The following MLC1 variants were observed in gnomAD, a reference collection of about 807,000 sequenced individuals.
MLC1 encodes modulator of VRAC current 1.
In MLC1, 32 loss-of-function variants were observed where a neutral mutation model predicts 44.7. The ratio of observed to expected loss-of-function variants is 0.72; its 90% CI spans 0.54 to 0.96. MLC1 has a LOEUF of 0.96. MLC1 is among the 40% of genes least tolerant of loss of function. The pLI, the probability that MLC1 is intolerant of heterozygous loss-of-function variation, is 0.00. For synonymous variants in MLC1, 190 were observed against 213.0 expected, an observed-to-expected ratio of 0.89 and a Z score of 0.94; for missense variants, 459 against 492.2, an observed-to-expected ratio of 0.93 and a Z score of 0.64.
intron 3 of MLC1, among the ~76,000 whole-genome samples, chr22:50,082,325 C>T (rs1335930140): frequency 6.6e-6 from 1 of 152,220 alleles, no homozygotes; most frequent in Admixed American, 6.5e-5. Context: ...GCTGCCGGGA[C>T]GCTGGGGAGG....
chr22:50,064,766 C>T lies in MLC1; in HGVS notation c.895-568G>A, dbSNP rs1283840126. ...GATGCAGGGGGCCAGAGAGTGACCA[C>T]GGAGCACCCAAAACCCTCTGTGCCC... On this transcript the variant is annotated intron_variant, in intron 10 of 11. Transcript: ENST00000311597. Among the ~76,000 whole-genome samples the T allele has an allele frequency of 5.9e-5, 9 of 152,136 alleles. No individual in the cohort carries two copies. In the East Asian group the frequency reaches 1.2e-3, roughly 20 times the overall value.
chr22:50,081,017 G>GAAAGAAAGAAAGAAAGAAAGAAAGAA lies in MLC1; in HGVS notation c.268-646_268-621dup, dbSNP rs1555968019. Among the ~76,000 whole-genome samples the GAAAGAAAGAAAGAAAGAAAGAAAGAA allele has an allele frequency of 1.5e-3, 207 of 139,118 alleles. 2 individuals carry two copies. Among genetic ancestry groups the GAAAGAAAGAAAGAAAGAAAGAAAGAA allele is most frequent in the Admixed American group, 7.0e-3 (100 of 14,254 alleles). 91.3% of individuals were successfully genotyped at this position (139,118 alleles called of 152,430 possible). On this transcript the variant is annotated intron_variant, in intron 3 of 11. Coordinates refer to ENST00000311597, the MANE Select transcript of MLC1 (RefSeq NM_015166.4). ...TGAGACCTTGTCTCAAAAAAAGAAA[G>GAAAGAAAGAAAGAAAGAAAGAAAGAA]AAAGAAAGAAAGAAAGAAAGAAAGA...
In MLC1 at chr22:50,070,602, G is replaced by C. The variant is rs1261036985; in HGVS notation, c.715-19C>G. 33 of 1,554,312 alleles carry C rather than the reference G, an allele frequency of 2.1e-5. No homozygotes were observed. Among genetic ancestry groups the C allele is most frequent in the Non-Finnish European group, 2.8e-5 (32 of 1,148,134 alleles). ...GAAAGCACTAAGAGAAAAGAAAAAG[G>C]AAAGATTTTAGAGGAAATAGTCGAA... On this transcript the variant is annotated intron_variant, in intron 8 of 11. Coordinates refer to ENST00000311597, the MANE Select transcript of MLC1 (RefSeq NM_015166.4).
intron 8 of MLC1, among the ~76,000 whole-genome samples, chr22:50,073,547 A>T (rs999552899): frequency 6.6e-6 from 1 of 152,160 alleles, no homozygotes; most frequent in Non-Finnish European, 1.5e-5. Flanking sequence ...CCTGGCCAAC[A>T]TGGCAAAACC....
chr22:50,072,313 C>G (rs2061872002), intron 8 of MLC1, among the ~76,000 whole-genome samples: 1 of 152,234 alleles, frequency 6.6e-6, no homozygotes, highest in Non-Finnish European at 1.5e-5. Context: ...GCCCAGCCCC[C>G]AACTCCAGCC....
intron 7 of MLC1, among the ~76,000 whole-genome samples, chr22:50,075,139 G>A (rs1277112680): frequency 6.6e-6 from 1 of 150,984 alleles, no homozygotes; most frequent in Admixed American, 6.6e-5. Context: ...GGGAGGGGCC[G>A]CAACCAGCAC....
intron 7 of MLC1, chr22:50,074,570 C>G: frequency 1.9e-6 from 1 of 540,466 alleles, no homozygotes; most frequent in Non-Finnish European, 3.4e-6. Flanking sequence ...GTGTTTCCCC[C>G]ACTGCTGCTT....
At chr22:50,071,527 C>T (rs1304496278) in intron 8 of MLC1, among the ~76,000 whole-genome samples, 4 of 152,158 alleles carry the variant, frequency 2.6e-5, no homozygotes, top group African/African-American at 7.2e-5. Flanking sequence ...GTTACCTGGT[C>T]GCTTCTGGGG....
intron 10 of MLC1, 150 bp downstream of exon 10, chr22:50,068,283 G>T: frequency 8.4e-7 from 1 of 1,195,588 alleles, no homozygotes; most frequent in Non-Finnish European, 1.2e-6. Context: ...GGGGAGCACG[G>T]TCACCGCTGC....
chr22:50,068,929 G>A (rs7510819), intron 9 of MLC1, among the ~76,000 whole-genome samples: 18,512 of 151,564 alleles, frequency 0.12, 1,256 homozygotes, highest in South Asian at 0.23. Flanking sequence ...GTTTTGCCAC[G>A]TTGGTCAGGC....
At chr22:50,071,934 C>T (rs957813964) in intron 8 of MLC1, among the ~76,000 whole-genome samples, 5 of 152,102 alleles carry the variant, frequency 3.3e-5, no homozygotes, top group East Asian at 1.9e-4. Flanking sequence ...AGATGGGCTC[C>T]GAGCAGGGGA....
intron 9 of MLC1, among the ~76,000 whole-genome samples, chr22:50,069,825 G>A (rs1366133574): frequency 6.6e-6 from 1 of 152,162 alleles, no homozygotes; most frequent in African/African-American, 2.4e-5. Flanking sequence ...CCAAGCATGG[G>A]CAGTCACCTT....
At chr22:50,079,528 C>T (rs1247940980) in intron 5 of MLC1, among the ~76,000 whole-genome samples, 6 of 88,678 alleles carry the variant, frequency 6.8e-5, no homozygotes, top group Non-Finnish European at 8.7e-5. Flanking sequence ...TTTTTTGAGA[C>T]GGAGTCTTGC....
intron 10 of MLC1, among the ~76,000 whole-genome samples, 189 bp downstream of exon 10, chr22:50,068,244 C>A (rs1184579183): frequency 6.6e-6 from 1 of 152,232 alleles, no homozygotes; most frequent in Non-Finnish European, 1.5e-5. Context: ...GGAATCGAGG[C>A]CCCGAGGCCC....
intron 3 of MLC1, among the ~76,000 whole-genome samples, chr22:50,081,059 G>GAAAGAAAGAAA (rs1484447304): frequency 1.6e-3 from 30 of 19,132 alleles, no homozygotes; most frequent in East Asian, 3.5e-3. Context: ...GAAAGAAAGA[G>GAAAGAAAGAAA]GAGGTCTGGT....
At position 50,076,925 on chromosome 22, in the gene MLC1, A is replaced by G. The variant is rs1310956193; in HGVS notation, c.526-13T>C. On this transcript the variant is annotated splice_polypyrimidine_tract_variant and intron_variant, in intron 6 of 11. Coordinates refer to ENST00000311597, the MANE Select transcript of MLC1 (RefSeq NM_015166.4). ...CAGACATGGAGCCCTACGAAGAAACAGAACTGTCACCCCGGGTGCACGGGC... is the reference window on the plus strand; with the variant it reads ...CAGACATGGAGCCCTACGAAGAAACGGAACTGTCACCCCGGGTGCACGGGC... The G allele has an allele frequency of 6.2e-7, 1 of 1,613,904 alleles. No homozygotes were observed. The highest frequency in any genetic ancestry group is 8.5e-7 in the Non-Finnish European group (1 of 1,179,846).
chr22:50,074,302 C>T lies in MLC1; in HGVS notation c.628G>A (p.Val210Ile), dbSNP rs11568178. 6.1e-4 allele frequency: 989 copies of T among 1,614,100 alleles called. 15 individuals are homozygous for T. The South Asian group carries it at 0.01, about 16-fold the overall frequency. Residue 210 changes from valine to isoleucine, a missense_variant, in exon 8 of 12, where the codon GTC (valine) becomes ATC (isoleucine). Physicochemically the swap from Val to Ile is conservative, Grantham distance 29. Transcript: ENST00000311597. ...TTCAGGGCAATGATCCCCCCGAGGA[C>T]GGCAGAGATGCCTGCGATTACCTCG... ...VVEVIAGISA[V>I]LGGIIALNVD... is the part of the protein sequence containing the mutation.
At chr22:50,080,692 G>A (rs931863367) in intron 3 of MLC1, among the ~76,000 whole-genome samples, 5 of 152,074 alleles carry the variant, frequency 3.3e-5, no homozygotes, top group Admixed American at 6.6e-5. Flanking sequence ...GAGCCGCTGC[G>A]CCCAACCCCC....
At chr22:50,066,780 C>T (rs2061711461) in intron 10 of MLC1, among the ~76,000 whole-genome samples, 1 of 152,080 alleles carries the variant, frequency 6.6e-6, no homozygotes, top group Non-Finnish European at 1.5e-5. Context: ...AGGCATGAGA[C>T]CACAGCTTTT....
Sources: gnomAD v4.1 joint callset for allele counts (sites outside exome capture counted in the v4.1 genomes callset) on GRCh38, gnomAD v4.1.1 for gene constraint, MANE v1.5 for transcripts, NCBI Gene and HGNC (gene_info 2026-07-23, HGNC 2026-07-21) for gene names.